The following CSMD3 variants were observed in gnomAD, a reference collection of about 807,000 sequenced individuals.
CSMD3 encodes the protein CUB and sushi domain-containing protein 3.
CSMD3 carries 177 observed loss-of-function variants against 435.2 expected under a neutral mutation model. That is an observed-to-expected ratio of 0.41 (90% confidence interval 0.36 to 0.46). The LOEUF is 0.46. Ranked by LOEUF, CSMD3 falls within the 20% of genes least tolerant of loss-of-function variation. CSMD3 has a pLI of 0.34. For missense variants in CSMD3, 4,265 were observed against 4,504.6 expected (o/e 0.95, Z 1.52); for synonymous variants, 1,656 against 1,520.5 (o/e 1.09, Z -2.07).
chr8:112,563,955 C>T (rs1828855042), intron 24 of CSMD3, among the ~76,000 whole-genome samples: 1 of 151,954 alleles, frequency 6.6e-6, no homozygotes, highest in Admixed American at 6.6e-5. Flanking sequence ...CTAATCATCA[C>T]ACTTTTAAAC....
chr8:112,906,440 A>G (rs1564089626), intron 10 of CSMD3, among the ~76,000 whole-genome samples: 1 of 151,448 alleles, frequency 6.6e-6, no homozygotes, highest in East Asian at 2.0e-4. Context: ...CAACTTCTTC[A>G]AAAAAGCAAG....
chr8:112,797,749 A>C (rs1163175899), intron 13 of CSMD3, among the ~76,000 whole-genome samples: 1 of 151,762 alleles, frequency 6.6e-6, no homozygotes. Context: ...TGCACATCAA[A>C]ATTTGTAACT....
chr8:112,955,177 C>G (rs993386954), intron 7 of CSMD3, among the ~76,000 whole-genome samples: 1 of 151,406 alleles, frequency 6.6e-6, no homozygotes. Flanking sequence ...AAATAAATTT[C>G]CTAAAAATTT....
chr8:112,722,880 A>G (rs2131976311), intron 13 of CSMD3, among the ~76,000 whole-genome samples: 1 of 152,304 alleles, frequency 6.6e-6, no homozygotes, highest in African/African-American at 2.4e-5. Context: ...TTGTAACTGA[A>G]GATCAAAAAT....
At chr8:113,138,810 AGTGTGT>A (rs34755068) in intron 4 of CSMD3, among the ~76,000 whole-genome samples, 13 of 145,628 alleles carry the variant, frequency 8.9e-5, no homozygotes, top group African/African-American at 1.8e-4. Flanking sequence ...TAAACGTGTT[AGTGTGT>A]GTGTGTGTGT....
intron 22 of CSMD3, among the ~76,000 whole-genome samples, chr8:112,610,797 C>T (rs1833196595): frequency 6.6e-6 from 1 of 152,156 alleles, no homozygotes; most frequent in Non-Finnish European, 1.5e-5. Context: ...TAGCTCTTCT[C>T]TAGAGGCTGA....
intron 3 of CSMD3, among the ~76,000 whole-genome samples, chr8:113,181,448 A>C (rs2092420621): frequency 6.6e-6 from 1 of 152,066 alleles, no homozygotes; most frequent in African/African-American, 2.4e-5. Flanking sequence ...GTTAAATACA[A>C]GGTAGAAAAT....
At chr8:113,364,290 C>T (rs1001857066) in intron 1 of CSMD3, among the ~76,000 whole-genome samples, 1 of 151,350 alleles carries the variant, frequency 6.6e-6, no homozygotes, top group Non-Finnish European at 1.5e-5. Context: ...ATGTATAAAG[C>T]ATGGGGACAG....
At chr8:112,369,246 A>G (rs1158264304) in intron 38 of CSMD3, among the ~76,000 whole-genome samples, 1 of 152,028 alleles carries the variant, frequency 6.6e-6, no homozygotes, top group Admixed American at 6.6e-5. Context: ...CATTTAACGC[A>G]GCTATATAGA....
At chr8:112,591,983 T>C (rs943304013) in intron 22 of CSMD3, among the ~76,000 whole-genome samples, 1 of 152,066 alleles carries the variant, frequency 6.6e-6, no homozygotes, top group Non-Finnish European at 1.5e-5. Flanking sequence ...TAGTCATTGA[T>C]TGTGAGATAC....
At chr8:112,586,357 A>C (rs1830731427) in intron 23 of CSMD3, among the ~76,000 whole-genome samples, 1 of 151,462 alleles carries the variant, frequency 6.6e-6, no homozygotes, top group African/African-American at 2.4e-5. Flanking sequence ...GGAAGTGTTT[A>C]CTTTTACTCT....
At chr8:112,498,889 T>G (rs1821648552) in intron 30 of CSMD3, among the ~76,000 whole-genome samples, 1 of 152,118 alleles carries the variant, frequency 6.6e-6, no homozygotes, top group African/African-American at 2.4e-5. Context: ...AATATTTGAA[T>G]TATGACTTGA....
Position 112,603,088 on chromosome 8 carries a change from G to A in CSMD3, c.3716-15853C>T, listed in dbSNP as rs183633569. Among the ~76,000 whole-genome samples, 207 of 152,324 alleles carry A rather than the reference G, an allele frequency of 1.4e-3. 1 individual carries two copies. Among genetic ancestry groups the A allele is most frequent in the African/African-American group, 4.7e-3 (195 of 41,568 alleles). Reference sequence around the variant, plus strand: ...TAAAGGGCTTTTACCATGTTGGCCAGGCTGGTCTCGAACTCCTGGCCTCAG... The same window carrying A: ...TAAAGGGCTTTTACCATGTTGGCCAAGCTGGTCTCGAACTCCTGGCCTCAG... On this transcript the variant is annotated intron_variant, in intron 22 of 70. Coordinates refer to ENST00000297405, the MANE Select transcript of CSMD3 (RefSeq NM_198123.2).
intron 6 of CSMD3, among the ~76,000 whole-genome samples, chr8:112,984,833 C>T (rs1388908135): frequency 6.6e-6 from 1 of 152,060 alleles, no homozygotes; most frequent in African/African-American, 2.4e-5. Flanking sequence ...TTTTTCTACA[C>T]CAATGAGAAT....
At chr8:112,317,738 G>C (rs1822606796) in intron 47 of CSMD3, among the ~76,000 whole-genome samples, 1 of 151,766 alleles carries the variant, frequency 6.6e-6, no homozygotes, top group Non-Finnish European at 1.5e-5. Flanking sequence ...TTTTCTTTTT[G>C]CTACCATCAA....
At chr8:112,850,250 T>A (rs773399667) in intron 11 of CSMD3, among the ~76,000 whole-genome samples, 17 of 152,296 alleles carry the variant, frequency 1.1e-4, no homozygotes, top group Non-Finnish European at 2.1e-4. Context: ...TCACATGACA[T>A]GAGGAGTGTA....
chr8:113,016,914 T>C (rs2086480575), intron 6 of CSMD3, among the ~76,000 whole-genome samples: 2 of 151,928 alleles, frequency 1.3e-5, no homozygotes. Flanking sequence ...TACTTCTCAA[T>C]TGAATGTATG....
chr8:112,462,954 C>CA (rs1178825810), intron 32 of CSMD3, among the ~76,000 whole-genome samples: 2 of 152,220 alleles, frequency 1.3e-5, no homozygotes, highest in East Asian at 1.9e-4. Flanking sequence ...TCTGCTCTCT[C>CA]ACGCATTTTG....
intron 11 of CSMD3, among the ~76,000 whole-genome samples, chr8:112,850,678 T>C (rs1262668677): frequency 2.6e-5 from 4 of 152,214 alleles, no homozygotes; most frequent in Non-Finnish European, 5.9e-5. Context: ...ATGTAATCGC[T>C]ACAGACTCAA....
Sources: allele counts gnomAD v4.1 joint callset (sites outside exome capture counted in the v4.1 genomes callset), GRCh38; gene constraint gnomAD v4.1.1; transcripts MANE v1.5; gene names NCBI Gene and HGNC (gene_info 2026-07-23, HGNC 2026-07-21).